Variants in PLCZ1 observed in about 807,000 individuals in gnomAD.
PLCZ1 encodes the protein 1-phosphatidylinositol 4,5-bisphosphate phosphodiesterase zeta-1.
A neutral mutation model predicts 76.8 loss-of-function variants in PLCZ1; 64 were observed. That is an observed-to-expected ratio of 0.83 (90% CI 0.68 to 1.03). PLCZ1 has a LOEUF of 1.03. PLCZ1 is among the 50% of genes least tolerant of loss of function. PLCZ1 has a pLI of 0.00. For missense variants in PLCZ1, 751 were observed against 713.7 expected, an observed-to-expected ratio of 1.05 and a Z score of -0.60; for synonymous variants, 248 against 230.8, an observed-to-expected ratio of 1.07 and a Z score of -0.68.
intron 2 of PLCZ1, among the ~76,000 whole-genome samples, chr12:18,737,157 A>G (rs1244165445): frequency 1.3e-5 from 2 of 152,192 alleles, no homozygotes; most frequent in Non-Finnish European, 2.9e-5. Flanking sequence ...TTATGACTTA[A>G]TCCAGCAAAG....
the PLCZ1 span, among the ~76,000 whole-genome samples, chr12:18,673,439 T>C: frequency 6.6e-6 from 1 of 152,084 alleles, no homozygotes; most frequent in African/African-American, 2.4e-5. Flanking sequence ...TTTACATCCA[T>C]TATGGAATTC....
intron 5 of PLCZ1, among the ~76,000 whole-genome samples, chr12:18,719,123 A>G: frequency 6.6e-6 from 1 of 152,154 alleles, no homozygotes; most frequent in East Asian, 1.9e-4. Context: ...AGTCTTCTTC[A>G]TATGCTTTCC....
the PLCZ1 span, among the ~76,000 whole-genome samples, chr12:18,669,089 C>T: frequency 6.6e-6 from 1 of 152,182 alleles, no homozygotes; most frequent in Non-Finnish European, 1.5e-5. Flanking sequence ...TTTCATGGTA[C>T]TGTTCCAAAT....
chr12:18,696,291 G>A (rs1362199396), intron 10 of PLCZ1, 25 bp from the exon 11 acceptor site: 2 of 979,770 alleles, frequency 2.0e-6, no homozygotes, highest in Non-Finnish European at 2.9e-6. Context: ...TTAAAACATT[G>A]TGAAAGAATT....
At chr12:18,698,787 T>C (rs1955479226) in intron 10 of PLCZ1, among the ~76,000 whole-genome samples, 2 of 152,178 alleles carry the variant, frequency 1.3e-5, no homozygotes, top group African/African-American at 4.8e-5. Context: ...AACAATCCAA[T>C]TATACTCTTT....
At chr12:18,705,371 G>A in intron 6 of PLCZ1, 56 bp from the exon 7 acceptor site, 3 of 1,566,092 alleles carry the variant, frequency 1.9e-6, no homozygotes, top group Non-Finnish European at 2.6e-6. Context: ...TAATTGTAAG[G>A]CAATTAATAT....
At chr12:18,646,368 G>A in the PLCZ1 span, among the ~76,000 whole-genome samples, 1 of 152,200 alleles carries the variant, frequency 6.6e-6, no homozygotes, top group African/African-American at 2.4e-5. Context: ...TCTGGAAGAA[G>A]AGGTAGCCAA....
chr12:18,696,348 A>ATATATATATATATATATATATATC lies in PLCZ1; in HGVS notation c.1175-83_1175-82insGATATATATATATATATATATATA, dbSNP rs10523511. On this transcript the variant is annotated intron_variant, in intron 10 of 14. Transcript: ENST00000266505. ...TATATATATATATATATATATATAT[A>ATATATATATATATATATATATATC]TATCATATAATTCTATAATAGTTTC... The ATATATATATATATATATATATATC allele has an allele frequency of 4.8e-4, 102 of 214,280 alleles. 2 individuals are homozygous for ATATATATATATATATATATATATC. Among genetic ancestry groups the ATATATATATATATATATATATATC allele is most frequent in the East Asian group, 1.4e-3 (10 of 7,070 alleles). 13.3% of individuals were successfully genotyped at this position (214,280 alleles called of 1,614,324 possible).
intron 3 of PLCZ1, among the ~76,000 whole-genome samples, chr12:18,728,165 T>C (rs1284443411): frequency 6.6e-6 from 1 of 152,134 alleles, no homozygotes; most frequent in Admixed American, 6.6e-5. Context: ...GTGTTAGGAA[T>C]AGAGGAAAAC....
chr12:18,693,008 A>T (rs1050180834), intron 12 of PLCZ1: 1 of 1,412,048 alleles, frequency 7.1e-7, no homozygotes. Context: ...TGGAGGAAGA[A>T]TTCATTAGAA....
the PLCZ1 span, among the ~76,000 whole-genome samples, chr12:18,668,844 C>T: frequency 1.3e-5 from 2 of 152,100 alleles, no homozygotes; most frequent in African/African-American, 4.8e-5. Flanking sequence ...TACACGAGTG[C>T]AGAAGGAGCT....
intron 12 of PLCZ1, among the ~76,000 whole-genome samples, chr12:18,694,305 G>A (rs572178486): frequency 5.9e-5 from 9 of 152,190 alleles, no homozygotes; most frequent in South Asian, 4.2e-4. Context: ...CCAATAAAGC[G>A]CGCTCTTTCA....
intron 3 of PLCZ1, among the ~76,000 whole-genome samples, chr12:18,725,835 T>A (rs541114491): frequency 6.6e-6 from 1 of 152,254 alleles, no homozygotes; most frequent in East Asian, 1.9e-4. Context: ...AATTACCAAT[T>A]TCTACTAATC....
At chr12:18,665,600 C>G in the PLCZ1 span, among the ~76,000 whole-genome samples, 1 of 152,162 alleles carries the variant, frequency 6.6e-6, no homozygotes, top group East Asian at 1.9e-4. Context: ...GGAGACTAGC[C>G]TGACCAACAT....
At chr12:18,671,425 G>C in the PLCZ1 span, among the ~76,000 whole-genome samples, 6 of 152,158 alleles carry the variant, frequency 3.9e-5, no homozygotes, top group African/African-American at 1.4e-4. Flanking sequence ...TGTAATAAGG[G>C]ACTGTGTGTG....
the PLCZ1 span, among the ~76,000 whole-genome samples, chr12:18,660,277 A>G: frequency 6.6e-6 from 1 of 152,138 alleles, no homozygotes; most frequent in African/African-American, 2.4e-5. Context: ...AGCAGGAGCC[A>G]TAAGGATACT....
chr12:18,677,382 T>C, the PLCZ1 span, among the ~76,000 whole-genome samples: 1 of 152,128 alleles, frequency 6.6e-6, no homozygotes, highest in East Asian at 1.9e-4. Context: ...CTAGTTGTTT[T>C]CAGTCCTGAC....
chr12:18,697,306 A>T (rs1473423747), intron 10 of PLCZ1, among the ~76,000 whole-genome samples: 3 of 152,152 alleles, frequency 2.0e-5, no homozygotes, highest in African/African-American at 7.2e-5. Flanking sequence ...ATCAATATTT[A>T]TTTTCAAAAG....
chr12:18,701,889 G>A, intron 7 of PLCZ1, 113 bp from the exon 8 acceptor site: 3 of 1,435,074 alleles, frequency 2.1e-6, no homozygotes, highest in South Asian at 2.8e-5. Flanking sequence ...AATAAGATAT[G>A]TAAGAACTCC....
Sources: gnomAD v4.1 joint callset for allele counts (sites outside exome capture counted in the v4.1 genomes callset) on GRCh38, gnomAD v4.1.1 for gene constraint, MANE v1.5 for transcripts, NCBI Gene and HGNC (gene_info 2026-07-23, HGNC 2026-07-21) for gene names.